PTPRD: variants seen among roughly 807,000 people sequenced by gnomAD.
PTPRD encodes receptor-type tyrosine-protein phosphatase delta.
In PTPRD, 34 loss-of-function variants were observed where a neutral mutation model predicts 214.5. That is an observed-to-expected ratio of 0.16 (90% confidence interval 0.12 to 0.21). PTPRD has a LOEUF of 0.21. PTPRD is among the 10% of genes least tolerant of loss of function. The pLI is 1.00. For missense variants in PTPRD, 2,545 were observed against 2,398.7 expected, an observed-to-expected ratio of 1.06 and a Z score of -1.27; for synonymous variants, 1,128 against 845.7, an observed-to-expected ratio of 1.33 and a Z score of -5.79.
At chr9:10,308,992 G>A (rs2096181302) in intron 3 of PTPRD, among the ~76,000 whole-genome samples, 1 of 152,012 alleles carries the variant, frequency 6.6e-6, no homozygotes, top group African/African-American at 2.4e-5. Flanking sequence ...AAGTGGAATT[G>A]TTGGGTCTAA....
Position 8,454,553 on chromosome 9 carries a change from TA to T in PTPRD, c.3876-4717del, listed in dbSNP as rs745616549. On this transcript the variant is annotated intron_variant, in intron 33 of 45. Coordinates refer to ENST00000381196, the MANE Select transcript of PTPRD (RefSeq NM_002839.4). Reference sequence around the variant, plus strand: ...AGTTTATTTTTTTCTTACTGAACATTAAAGGGGTTTGTTCTCTATTCCTCAC... The same window carrying T: ...AGTTTATTTTTTTCTTACTGAACATTAAGGGGTTTGTTCTCTATTCCTCAC... 9 of 1,612,550 alleles carry T rather than the reference TA, an allele frequency of 5.6e-6. No homozygotes were observed. The South Asian group carries it at 9.9e-5, about 18-fold the overall frequency.
At chr9:9,575,761 G>GA (rs1403621384) in intron 7 of PTPRD, among the ~76,000 whole-genome samples, 3 of 71,606 alleles carry the variant, frequency 4.2e-5, no homozygotes, top group Non-Finnish European at 8.7e-5. Context: ...GAAAGAAAAA[G>GA]AAAAAAAGAA....
chr9:10,275,394 T>G (rs1179579179), intron 3 of PTPRD, among the ~76,000 whole-genome samples: 8 of 152,048 alleles, frequency 5.3e-5, no homozygotes, highest in African/African-American at 1.9e-4. Context: ...AATTTCAGCC[T>G]TGGTCAATAA....
At chr9:8,990,588 C>T (rs2099362534) in intron 11 of PTPRD, among the ~76,000 whole-genome samples, 1 of 152,126 alleles carries the variant, frequency 6.6e-6, no homozygotes, top group East Asian at 1.9e-4. Flanking sequence ...ATACCTCTTC[C>T]CTCAGGTGAG....
intron 18 of PTPRD, chr9:8,524,629 T>A: frequency 2.3e-6 from 1 of 439,626 alleles, no homozygotes; most frequent in Non-Finnish European, 4.1e-6. Flanking sequence ...GAAGAAAACC[T>A]CAAACAAATG....
intron 8 of PTPRD, among the ~76,000 whole-genome samples, chr9:9,417,665 G>A (rs1328287178): frequency 1.3e-5 from 2 of 151,964 alleles, no homozygotes; most frequent in East Asian, 1.9e-4. Context: ...AAAATTATCT[G>A]GAAGTAGCAG....
intron 10 of PTPRD, among the ~76,000 whole-genome samples, chr9:9,119,971 C>G (rs990589467): frequency 2.6e-5 from 4 of 152,128 alleles, no homozygotes; most frequent in South Asian, 2.1e-4. Context: ...GCACTCCATA[C>G]ATTTGCACAA....
At chr9:8,783,609 G>C (rs1363786512) in intron 11 of PTPRD, among the ~76,000 whole-genome samples, 1 of 152,172 alleles carries the variant, frequency 6.6e-6, no homozygotes, top group Non-Finnish European at 1.5e-5. Context: ...CCATACCCTG[G>C]TCATTAGAAC....
intron 31 of PTPRD, among the ~76,000 whole-genome samples, chr9:8,468,496 T>C (rs548007777): frequency 2.0e-5 from 3 of 152,086 alleles, no homozygotes; most frequent in South Asian, 2.1e-4. Flanking sequence ...TTTCAGTTTA[T>C]AAATGTATCA....
intron 5 of PTPRD, among the ~76,000 whole-genome samples, chr9:9,792,970 A>G (rs2098977679): frequency 6.6e-6 from 1 of 152,152 alleles, no homozygotes; most frequent in Non-Finnish European, 1.5e-5. Context: ...TTGAATAATC[A>G]ACACCTCTGA....
At chr9:8,556,735 C>T (rs1211945646) in intron 14 of PTPRD, among the ~76,000 whole-genome samples, 1 of 152,054 alleles carries the variant, frequency 6.6e-6, no homozygotes, top group African/African-American at 2.4e-5. Context: ...ACAAATTTAT[C>T]ATTTTGACAG....
intron 8 of PTPRD, among the ~76,000 whole-genome samples, chr9:9,528,362 T>C (rs535974630): frequency 1.3e-5 from 2 of 152,220 alleles, no homozygotes; most frequent in South Asian, 2.1e-4. Flanking sequence ...CCATAATACA[T>C]AGGACCGACA....
intron 7 of PTPRD, among the ~76,000 whole-genome samples, chr9:9,733,217 TAA>T (rs1468083315): frequency 2.0e-5 from 3 of 152,228 alleles, no homozygotes; most frequent in African/African-American, 7.2e-5. Context: ...ATATAAGGAA[TAA>T]GACAGAGAGA....
chr9:8,376,740 G>A lies in PTPRD; in HGVS notation c.4387-14C>T, dbSNP rs369945038. 6.5e-5 allele frequency: 104 copies of A among 1,612,330 alleles called. 1 individual carries two copies. Among genetic ancestry groups the A allele is most frequent in the South Asian group, 5.4e-4 (49 of 90,986 alleles). On this transcript the variant is annotated splice_polypyrimidine_tract_variant and intron_variant, in intron 37 of 45. Coordinates refer to ENST00000381196, the MANE Select transcript of PTPRD (RefSeq NM_002839.4). ...GTCACACTTCACCTACAAGAAACAAGTGACACATTCAGGGCAAATGCTCAT... is the reference window on the plus strand; with the variant it reads ...GTCACACTTCACCTACAAGAAACAAATGACACATTCAGGGCAAATGCTCAT...
At chr9:8,574,703 C>T (rs1423390053) in intron 14 of PTPRD, among the ~76,000 whole-genome samples, 1 of 151,930 alleles carries the variant, frequency 6.6e-6, no homozygotes, top group Non-Finnish European at 1.5e-5. Flanking sequence ...TTTCTTCATT[C>T]AGTAAAATAA....
chr9:9,430,137 G>A (rs573471629), intron 8 of PTPRD, among the ~76,000 whole-genome samples: 1 of 152,282 alleles, frequency 6.6e-6, no homozygotes, highest in South Asian at 2.1e-4. Context: ...TGACATGATT[G>A]TATGTCTAGA....
intron 3 of PTPRD, among the ~76,000 whole-genome samples, chr9:10,135,625 G>C (rs2098937107): frequency 6.6e-6 from 1 of 151,958 alleles, no homozygotes; most frequent in African/African-American, 2.4e-5. Context: ...TGTTCAACCA[G>C]ACTAAGTTCC....
intron 2 of PTPRD, among the ~76,000 whole-genome samples, chr9:10,393,444 G>C (rs771803660): frequency 6.6e-6 from 1 of 151,438 alleles, no homozygotes; most frequent in South Asian, 2.1e-4. Context: ...TGTTACATTA[G>C]TTTCCCTTTG....
intron 2 of PTPRD, among the ~76,000 whole-genome samples, chr9:10,536,801 C>A (rs767464993): frequency 1.8e-4 from 28 of 152,168 alleles, no homozygotes; most frequent in Non-Finnish European, 3.7e-4. Flanking sequence ...AACTCCTCTT[C>A]TTCTACCTGA....
Sources: allele counts gnomAD v4.1 joint callset (sites outside exome capture counted in the v4.1 genomes callset), GRCh38; gene constraint gnomAD v4.1.1; transcripts MANE v1.5; gene names NCBI Gene and HGNC (gene_info 2026-07-23, HGNC 2026-07-21).